Variants in CLNK observed in about 807,000 individuals in gnomAD.
CLNK encodes cytokine-dependent hematopoietic cell linker.
CLNK carries 74 observed loss-of-function variants against 68.6 expected under a neutral mutation model. That is an observed-to-expected ratio of 1.08 (90% confidence interval 0.89 to 1.31). The LOEUF is 1.31. CLNK is among the 50% of genes most tolerant of loss of function. CLNK has a pLI of 0.00. For synonymous variants in CLNK, 198 were observed against 172.2 expected (o/e 1.15, Z -1.17); for missense variants, 553 against 515.3 (o/e 1.07, Z -0.71).
chr4:10,522,572 CAA>C (rs58663693), intron 14 of CLNK, among the ~76,000 whole-genome samples: 8 of 116,380 alleles, frequency 6.9e-5, no homozygotes, highest in African/African-American at 2.3e-4. Flanking sequence ...GAAACTCTCT[CAA>C]AAAAAAAAAA....
At chr4:10,724,223 T>C in the CLNK span, among the ~76,000 whole-genome samples, 1 of 152,172 alleles carries the variant, frequency 6.6e-6, no homozygotes, top group Admixed American at 6.5e-5. Flanking sequence ...CTTTGATCTT[T>C]GTTTCACCGT....
At chr4:10,692,763 G>T in the CLNK span, among the ~76,000 whole-genome samples, 1 of 152,174 alleles carries the variant, frequency 6.6e-6, no homozygotes, top group East Asian at 1.9e-4. Flanking sequence ...TAAAACCTCC[G>T]TGAGGCTTGG....
chr4:10,642,810 T>G (rs1723362100), intron 2 of CLNK, among the ~76,000 whole-genome samples: 1 of 152,224 alleles, frequency 6.6e-6, no homozygotes, highest in East Asian at 1.9e-4. Flanking sequence ...ATAATTATGT[T>G]TGCCCTAGAA....
intron 2 of CLNK, among the ~76,000 whole-genome samples, chr4:10,659,009 C>A (rs925501182): frequency 6.6e-6 from 1 of 152,112 alleles, no homozygotes; most frequent in Non-Finnish European, 1.5e-5. Flanking sequence ...TTGAGACCAA[C>A]CCAGCCAACA....
chr4:10,666,872 T>C (rs1381128767), intron 2 of CLNK, among the ~76,000 whole-genome samples: 1 of 152,134 alleles, frequency 6.6e-6, no homozygotes, highest in African/African-American at 2.4e-5. Flanking sequence ...CCTGTGGGCA[T>C]CCATGGGTAG....
At chr4:10,618,004 C>T (rs1205434038) in intron 2 of CLNK, among the ~76,000 whole-genome samples, 5 of 152,086 alleles carry the variant, frequency 3.3e-5, no homozygotes, top group Non-Finnish European at 5.9e-5. Flanking sequence ...GAACATATGA[C>T]CCAGTAATAC....
intron 8 of CLNK, among the ~76,000 whole-genome samples, chr4:10,558,118 T>A (rs1719745510): frequency 6.6e-6 from 1 of 152,216 alleles, no homozygotes; most frequent in African/African-American, 2.4e-5. Context: ...GATAACATGA[T>A]TATATATTTA....
the CLNK span, among the ~76,000 whole-genome samples, chr4:10,701,363 T>G: frequency 6.6e-6 from 1 of 152,172 alleles, no homozygotes; most frequent in Non-Finnish European, 1.5e-5. Flanking sequence ...TGACCCCCCT[T>G]TATCAGACTG....
intron 1 of CLNK, among the ~76,000 whole-genome samples, chr4:10,682,813 A>C (rs758688322): frequency 6.6e-6 from 1 of 152,236 alleles, no homozygotes; most frequent in Non-Finnish European, 1.5e-5. Context: ...ATTCAAGAAG[A>C]AAATATGTAT....
chr4:10,649,418 G>A (rs976451142), intron 2 of CLNK, among the ~76,000 whole-genome samples: 2 of 152,104 alleles, frequency 1.3e-5, no homozygotes, highest in African/African-American at 4.8e-5. Flanking sequence ...CTTTCTCCTT[G>A]GTTGCTTTGC....
At position 10,679,353 on chromosome 4, in the gene CLNK, A is replaced by G. The variant is rs1453600727; in HGVS notation, c.-43+5315T>C. ...ACTGGATCCCTTCCTTACACCTTAC[A>G]CAAAAATTAATTCAAGATGGATGAA... is the stretch of plus-strand genomic sequence containing the variant. On this transcript the variant is annotated intron_variant, in intron 1 of 18. Transcript: ENST00000226951. Among the ~76,000 whole-genome samples the G allele has an allele frequency of 2.6e-5, 4 of 152,360 alleles. No individual in the cohort carries two copies. The South Asian group carries it at 8.3e-4, about 32-fold the overall frequency.
At chr4:10,539,478 C>A (rs1190482178) in intron 11 of CLNK, among the ~76,000 whole-genome samples, 1 of 152,192 alleles carries the variant, frequency 6.6e-6, no homozygotes, top group South Asian at 2.1e-4. Flanking sequence ...ACTGCTGATG[C>A]AAGCTTGAAG....
chr4:10,721,825 A>C, the CLNK span, among the ~76,000 whole-genome samples: 3 of 152,202 alleles, frequency 2.0e-5, no homozygotes, highest in African/African-American at 7.2e-5. Context: ...CCAACCAAAC[A>C]ACCAAGGTTG....
chr4:10,663,209 C>T (rs1224185237), intron 2 of CLNK, among the ~76,000 whole-genome samples: 1 of 152,214 alleles, frequency 6.6e-6, no homozygotes, highest in Non-Finnish European at 1.5e-5. Context: ...GGTCTGTCTG[C>T]TCTTCTCTAA....
At chr4:10,492,698 C>T (rs1263323692) in intron 18 of CLNK, among the ~76,000 whole-genome samples, 1 of 152,118 alleles carries the variant, frequency 6.6e-6, no homozygotes, top group Non-Finnish European at 1.5e-5. Context: ...CTCCTTCCCA[C>T]CGTCATGTGG....
At chr4:10,613,187 T>C (rs536472911) in intron 2 of CLNK, among the ~76,000 whole-genome samples, 22 of 152,070 alleles carry the variant, frequency 1.4e-4, no homozygotes, top group South Asian at 1.0e-3. Flanking sequence ...GGGTATAGCA[T>C]GTTAGCAGGT....
intron 5 of CLNK, among the ~76,000 whole-genome samples, chr4:10,567,341 G>A (rs1393976325): frequency 6.6e-6 from 1 of 152,162 alleles, no homozygotes; most frequent in Non-Finnish European, 1.5e-5. Flanking sequence ...TGGGTGGAAA[G>A]AATAGTCTTT....
chr4:10,621,599 C>T (rs1722461854), intron 2 of CLNK, among the ~76,000 whole-genome samples: 1 of 152,174 alleles, frequency 6.6e-6, no homozygotes, highest in Admixed American at 6.5e-5. Flanking sequence ...TGAATTAATT[C>T]TGTCCTTAGA....
At chr4:10,497,160 G>A (rs1716843202) in intron 18 of CLNK, among the ~76,000 whole-genome samples, 1 of 152,194 alleles carries the variant, frequency 6.6e-6, no homozygotes, top group Admixed American at 6.5e-5. Flanking sequence ...TTCACAGTTT[G>A]TTAAATTGAA....
Sources: allele counts gnomAD v4.1 joint callset (sites outside exome capture counted in the v4.1 genomes callset), GRCh38; gene constraint gnomAD v4.1.1; transcripts MANE v1.5; gene names NCBI Gene and HGNC (gene_info 2026-07-23, HGNC 2026-07-21).